ADAM22: variants seen among roughly 807,000 people sequenced by gnomAD.
ADAM22 encodes disintegrin and metalloproteinase domain-containing protein 22.
Under a neutral mutation model 144.6 loss-of-function variants are expected in ADAM22, and 65 were observed. The observed-to-expected ratio is 0.45, with a 90% CI of 0.37 to 0.55. ADAM22 has a LOEUF of 0.55. Ranked by LOEUF, ADAM22 falls within the 20% of genes least tolerant of loss-of-function variation. ADAM22 has a pLI of 0.00. For missense variants in ADAM22, 974 were observed against 1,184.9 expected, an observed-to-expected ratio of 0.82 and a Z score of 2.61; for synonymous variants, 391 against 412.6, an observed-to-expected ratio of 0.95 and a Z score of 0.63.
At chr7:88,195,182 C>T (rs940137359) in intron 31 of ADAM22, among the ~76,000 whole-genome samples, 2 of 152,176 alleles carry the variant, frequency 1.3e-5, no homozygotes, top group Non-Finnish European at 2.9e-5. Flanking sequence ...TCACTGTGTT[C>T]ATAGGCTTTA....
At chr7:88,035,051 C>CCTGCAGAGAGGTCA (rs1358057766) in intron 3 of ADAM22, among the ~76,000 whole-genome samples, 1 of 150,750 alleles carries the variant, frequency 6.6e-6, no homozygotes, top group African/African-American at 2.4e-5. Context: ...ATTTGGTGTT[C>CCTGCAGAGAGGTCA]CTGCAGAGAG....
rs561297493 is a variant in ADAM22, at chr7:88,164,412, A to G, written c.2076+1232A>G. 1.4e-4 allele frequency among the ~76,000 whole-genome samples: 21 copies of G among 152,206 alleles called. No individual in the cohort carries two copies. The South Asian group carries it at 2.9e-3, about 21-fold the overall frequency. ...TGCATAATATAATTATGTATTCACA[A>G]TAATTATGCATAATTATATTTGGGG... On this transcript the variant is annotated intron_variant, in intron 23 of 31. Coordinates refer to ENST00000413139, the MANE Select transcript of ADAM22 (RefSeq NM_001324418.2).
At chr7:88,081,440 A>G (rs1267091837) in intron 4 of ADAM22, among the ~76,000 whole-genome samples, 2 of 152,226 alleles carry the variant, frequency 1.3e-5, no homozygotes, top group Admixed American at 6.5e-5. Flanking sequence ...CAAGACAGGG[A>G]TGCCCTCTCT....
chr7:87,968,508 C>T (rs1849673878), intron 2 of ADAM22, among the ~76,000 whole-genome samples: 1 of 152,110 alleles, frequency 6.6e-6, no homozygotes, highest in Admixed American at 6.5e-5. Flanking sequence ...TCTGAATAGC[C>T]ACTGCACTCC....
At chr7:88,067,802 T>C (rs1391127462) in intron 3 of ADAM22, among the ~76,000 whole-genome samples, 4 of 152,146 alleles carry the variant, frequency 2.6e-5, no homozygotes, top group African/African-American at 4.8e-5. Context: ...TTTCATCAGA[T>C]TGTGACTTCC....
chr7:88,053,568 G>A (rs373115821), intron 3 of ADAM22, among the ~76,000 whole-genome samples: 7 of 144,106 alleles, frequency 4.9e-5, no homozygotes, highest in African/African-American at 1.9e-4. Context: ...AAGAAAGAAG[G>A]AAGGAGGAAA....
chr7:88,084,121 G>A (rs1817754200), intron 4 of ADAM22, among the ~76,000 whole-genome samples: 1 of 152,074 alleles, frequency 6.6e-6, no homozygotes, highest in South Asian at 2.1e-4. Flanking sequence ...GCAAATAGGA[G>A]CATGGAGGGT....
At chr7:88,160,158 C>G (rs1174260237) in intron 22 of ADAM22, among the ~76,000 whole-genome samples, 4 of 151,888 alleles carry the variant, frequency 2.6e-5, no homozygotes, top group Non-Finnish European at 5.9e-5. Context: ...TTCACAATTG[C>G]CATAAAAATA....
chr7:88,111,363 C>G (rs866860613), intron 5 of ADAM22, among the ~76,000 whole-genome samples: 1 of 116,922 alleles, frequency 8.6e-6, no homozygotes, highest in Non-Finnish European at 1.7e-5. Context: ...TTACCAAGTG[C>G]GTACTGTTTT....
chr7:87,962,715 C>A (rs974006336), intron 2 of ADAM22, among the ~76,000 whole-genome samples: 9 of 151,922 alleles, frequency 5.9e-5, no homozygotes, highest in Admixed American at 5.2e-4. Context: ...TCCCCAGTAG[C>A]TACAACAACA....
chr7:88,088,898 G>T (rs928039673), intron 4 of ADAM22, among the ~76,000 whole-genome samples: 1 of 151,698 alleles, frequency 6.6e-6, no homozygotes. Flanking sequence ...ATTAGTGACA[G>T]AGTTCAGTTT....
chr7:88,099,046 G>C (rs1822210964), intron 4 of ADAM22, among the ~76,000 whole-genome samples: 1 of 152,140 alleles, frequency 6.6e-6, no homozygotes. Context: ...TGAGAGTTAA[G>C]TTACCTGTGA....
intron 14 of ADAM22, among the ~76,000 whole-genome samples, chr7:88,140,304 T>G (rs1834225171): frequency 6.6e-6 from 1 of 152,030 alleles, no homozygotes; most frequent in African/African-American, 2.4e-5. Flanking sequence ...TCCCTGCTTC[T>G]CAGCTGAGCA....
At chr7:88,010,409 G>A (rs543518037) in intron 3 of ADAM22, among the ~76,000 whole-genome samples, 12 of 152,292 alleles carry the variant, frequency 7.9e-5, no homozygotes, top group African/African-American at 2.9e-4. Context: ...AAGCAGGTTG[G>A]AAGTAGCCTA....
chr7:88,190,403 C>T (rs551214223), intron 30 of ADAM22, among the ~76,000 whole-genome samples: 34 of 151,566 alleles, frequency 2.2e-4, no homozygotes, highest in African/African-American at 5.3e-4. Context: ...GGGGTGGTGG[C>T]GCATTCCTAT....
At chr7:88,049,556 G>A (rs1347263673) in intron 3 of ADAM22, among the ~76,000 whole-genome samples, 2 of 151,960 alleles carry the variant, frequency 1.3e-5, no homozygotes, top group Non-Finnish European at 2.9e-5. Flanking sequence ...GCACCACCAC[G>A]CCCGGCTAAT....
chr7:87,958,362 T>C (rs527378207), intron 2 of ADAM22, among the ~76,000 whole-genome samples: 50 of 152,188 alleles, frequency 3.3e-4, no homozygotes, highest in African/African-American at 1.2e-3. Flanking sequence ...CATAAGACTT[T>C]AAAGTTTTTT....
intron 3 of ADAM22, among the ~76,000 whole-genome samples, chr7:88,056,364 A>G: frequency 6.6e-6 from 1 of 152,208 alleles, no homozygotes; most frequent in East Asian, 1.9e-4. Context: ...TTTCACTTGG[A>G]TGCATCTGTA....
At chr7:88,108,418 A>C (rs2129487771) in intron 5 of ADAM22, among the ~76,000 whole-genome samples, 160 bp downstream of exon 5, 1 of 152,112 alleles carries the variant, frequency 6.6e-6, no homozygotes, top group South Asian at 2.1e-4. Flanking sequence ...TTATAAACCA[A>C]GCAGATTTTT....
Sources: allele counts gnomAD v4.1 joint callset (sites outside exome capture counted in the v4.1 genomes callset), GRCh38; gene constraint gnomAD v4.1.1; transcripts MANE v1.5; gene names NCBI Gene and HGNC (gene_info 2026-07-23, HGNC 2026-07-21).